Variants in PTPDC1 observed in about 807,000 individuals in gnomAD.
PTPDC1 encodes the protein protein tyrosine phosphatase domain containing 1, also known as protein tyrosine phosphatase domain-containing protein 1.
A neutral mutation model predicts 75.3 loss-of-function variants in PTPDC1; 53 were observed. The ratio of observed to expected loss-of-function variants is 0.70; its 90% CI spans 0.56 to 0.88. The LOEUF is 0.88. PTPDC1 is among the 40% of genes least tolerant of loss of function. The probability of loss-of-function intolerance (pLI) is 0.00; values close to 1 mark genes in which losing one functional copy is unlikely to be tolerated. For synonymous variants in PTPDC1, 349 were observed against 366.2 expected (o/e 0.95, Z 0.54); for missense variants, 925 against 998.6 (o/e 0.93, Z 0.99).
At position 94,085,105 on chromosome 9, in the gene PTPDC1, A is replaced by G. The variant is rs138646936; in HGVS notation, c.245-146A>G. The stretch of plus-strand genomic sequence containing the variant: ...AGAGATATATGTCACTTTGACAGGG[A>G]AACAGTTTTGTTTTCTTGACAAGAT... On this transcript the variant is annotated intron_variant, in intron 1 of 8. Transcript: ENST00000620992. 72 of 707,448 alleles carry G rather than the reference A, an allele frequency of 1.0e-4. No homozygotes were observed. In the African/African-American group the frequency reaches 1.2e-3, roughly 12 times the overall value. 43.8% of individuals were successfully genotyped at this position (707,448 alleles called of 1,614,324 possible).
At chr9:94,101,046 C>T (rs1827819336) in intron 6 of PTPDC1, 1 of 152,228 alleles carries the variant, frequency 6.6e-6, no homozygotes, top group African/African-American at 2.4e-5. Flanking sequence ...TACCAGCTTT[C>T]AAGCACCTTT....
intron 5 of PTPDC1, among the ~76,000 whole-genome samples, chr9:94,096,886 AGT>A (rs1827591248): frequency 6.6e-6 from 1 of 152,184 alleles, no homozygotes; most frequent in South Asian, 2.1e-4. Context: ...CCAAACACAA[AGT>A]GTATGGATTG....
chr9:94,054,378 C>T (rs527290293), intron 1 of PTPDC1, among the ~76,000 whole-genome samples: 1 of 152,212 alleles, frequency 6.6e-6, no homozygotes, highest in South Asian at 2.1e-4. Flanking sequence ...CTCAAGTCAT[C>T]TTTACAATGA....
intron 1 of PTPDC1, among the ~76,000 whole-genome samples, chr9:94,045,952 T>C (rs1825585784): frequency 6.6e-6 from 1 of 152,230 alleles, no homozygotes; most frequent in African/African-American, 2.4e-5. Flanking sequence ...TGCCTAGGTT[T>C]TCTTCTAGAG....
At chr9:94,101,833 AAAG>A (rs1298661727) in intron 7 of PTPDC1, 82 bp downstream of exon 7, 1 of 819,728 alleles carries the variant, frequency 1.2e-6, no homozygotes, top group East Asian at 2.7e-5. Context: ...CATTATAAAA[AAAG>A]AGAATTCACA....
intron 1 of PTPDC1, among the ~76,000 whole-genome samples, chr9:94,031,525 T>A (rs550163130): frequency 6.6e-6 from 1 of 152,268 alleles, no homozygotes; most frequent in Admixed American, 6.5e-5. Flanking sequence ...TCTGCCAGTT[T>A]GTGACCTCTA....
At chr9:94,056,048 A>C (rs950094044) in intron 1 of PTPDC1, among the ~76,000 whole-genome samples, 3 of 152,144 alleles carry the variant, frequency 2.0e-5, no homozygotes, top group African/African-American at 7.2e-5. Flanking sequence ...GGATGGGTAT[A>C]TGGGAAGCCT....
chr9:94,072,893 C>A (rs937085487), intron 2 of PTPDC1, among the ~76,000 whole-genome samples: 5 of 152,028 alleles, frequency 3.3e-5, no homozygotes, highest in African/African-American at 1.2e-4. Flanking sequence ...GTGTATAATT[C>A]TTTTTATGCA....
chr9:94,038,114 A>G (rs1257242221), intron 1 of PTPDC1: 59 of 572,638 alleles, frequency 1.0e-4, no homozygotes, highest in Middle Eastern at 3.1e-4. Context: ...CAAGCATAAG[A>G]CTGAGCATAA....
In PTPDC1 at chr9:94,097,594, T is replaced by C. The variant is rs577263647; in HGVS notation, c.1028T>C (p.Ile343Thr). 1.2e-6 allele frequency: 2 copies of C among 1,613,994 alleles called. No homozygotes were observed. The highest frequency in any genetic ancestry group is 3.3e-5 in the Admixed American group (2 of 60,032). The stretch of plus-strand genomic sequence containing the variant: ...CTTCTGAAACACGTGCCAAAAATTA[T>C]CCACCTAGTTTGCAAATTGCTGCTG... ...ARLLKHVPKI[I>T]HLVCKLLLDL... Residue 343 changes from isoleucine to threonine, a missense_variant, in exon 6 of 9, where the codon ATC becomes ACC. Ile to Thr is a moderately conservative substitution (Grantham distance 89). Transcript: ENST00000620992.
intron 2 of PTPDC1, among the ~76,000 whole-genome samples, chr9:94,073,985 T>C (rs1325100825): frequency 6.6e-6 from 1 of 152,206 alleles, no homozygotes. Context: ...TAGGAATCAG[T>C]GCCAAGACAC....
intron 1 of PTPDC1, among the ~76,000 whole-genome samples, chr9:94,050,976 G>A: frequency 6.6e-6 from 1 of 152,202 alleles, no homozygotes; most frequent in East Asian, 1.9e-4. Flanking sequence ...TGTGTTAGCA[G>A]TGAGTGAGGC....
intron 3 of PTPDC1, 96 bp downstream of exon 3, chr9:94,088,007 A>T: frequency 6.9e-7 from 1 of 1,450,326 alleles, no homozygotes; most frequent in Non-Finnish European, 9.6e-7. Context: ...TCATTTTAAC[A>T]ATAGGCAGTG....
At chr9:94,094,556 T>G (rs1269307061) in intron 4 of PTPDC1, among the ~76,000 whole-genome samples, 1 of 152,096 alleles carries the variant, frequency 6.6e-6, no homozygotes, top group Non-Finnish European at 1.5e-5. Context: ...CCCCCAGAGG[T>G]GGAGCCTATA....
chr9:94,082,116 G>C (rs1826903167), upstream of PTPDC1, among the ~76,000 whole-genome samples: 2 of 152,178 alleles, frequency 1.3e-5, no homozygotes, highest in African/African-American at 4.8e-5. Context: ...CATCTCTAAA[G>C]AAGGAAGGAA....
chr9:94,077,925 T>A (rs1161499151), intron 2 of PTPDC1, among the ~76,000 whole-genome samples: 1 of 152,224 alleles, frequency 6.6e-6, no homozygotes, highest in Non-Finnish European at 1.5e-5. Context: ...TCCAAGGATT[T>A]CAGGAATTGT....
chr9:94,045,671 G>C lies in PTPDC1; in HGVS notation c.-7+14544G>C, dbSNP rs570690068. The stretch of plus-strand genomic sequence containing the variant: ...TGAGAAGTGTCTGTTCATATCCTTT[G>C]CCCACTTTTTGACAGGGTTGTTTGT... On this transcript the variant is annotated intron_variant, in intron 1 of 9. Coordinates refer to the PTPDC1 transcript ENST00000375360. 5.3e-5 allele frequency among the ~76,000 whole-genome samples: 8 copies of C among 152,250 alleles called. No homozygotes were observed. The South Asian group carries it at 1.0e-3, about 20-fold the overall frequency.
chr9:94,053,732 C>G (rs1354284670), intron 1 of PTPDC1, among the ~76,000 whole-genome samples: 1 of 152,164 alleles, frequency 6.6e-6, no homozygotes, highest in Non-Finnish European at 1.5e-5. Flanking sequence ...AAATCCAACC[C>G]TCAGGGAATG....
intron 1 of PTPDC1, among the ~76,000 whole-genome samples, chr9:94,035,211 T>C: frequency 6.6e-6 from 1 of 152,214 alleles, no homozygotes; most frequent in East Asian, 1.9e-4. Flanking sequence ...TGCAATATAA[T>C]GTAATACACT....
Sources: allele counts gnomAD v4.1 joint callset (sites outside exome capture counted in the v4.1 genomes callset), GRCh38; gene constraint gnomAD v4.1.1; transcripts MANE v1.5; gene names NCBI Gene and HGNC (gene_info 2026-07-23, HGNC 2026-07-21).